DCC: variants seen among roughly 807,000 people sequenced by gnomAD.
DCC encodes DCC netrin 1 receptor.
DCC carries 58 observed loss-of-function variants against 172.5 expected under a neutral mutation model. That is an observed-to-expected ratio of 0.34 (90% CI 0.27 to 0.42). The LOEUF (loss-of-function observed/expected upper bound fraction) is 0.42, where lower values mean the gene tolerates loss of function less well. Ranked by LOEUF, DCC falls within the 10% of genes least tolerant of loss-of-function variation. The pLI, the probability that DCC is intolerant of heterozygous loss-of-function variation, is 1.00. For missense variants in DCC, 1,740 were observed against 1,791.0 expected, an observed-to-expected ratio of 0.97 and a Z score of 0.51; for synonymous variants, 709 against 644.5, an observed-to-expected ratio of 1.10 and a Z score of -1.52.
intron 7 of DCC, among the ~76,000 whole-genome samples, chr18:53,135,625 T>A (rs891441634): frequency 6.6e-6 from 1 of 152,184 alleles, no homozygotes; most frequent in Non-Finnish European, 1.5e-5. Context: ...CAAGGTTTTA[T>A]GGTTTCTTTG....
At chr18:52,857,223 G>A (rs1385542504) in intron 2 of DCC, among the ~76,000 whole-genome samples, 2 of 152,214 alleles carry the variant, frequency 1.3e-5, no homozygotes, top group African/African-American at 4.8e-5. Context: ...TGAGAGGAGA[G>A]TGCTTTTAGT....
At chr18:52,925,083 C>A in intron 4 of DCC, 151 bp from the exon 5 acceptor site, 1 of 741,274 alleles carries the variant, frequency 1.3e-6, no homozygotes, top group Non-Finnish European at 2.3e-6. Context: ...ATTTTTGGAT[C>A]AATAAGTGAG....
At chr18:53,519,212 A>C (rs2046372508) in intron 27 of DCC, among the ~76,000 whole-genome samples, 2 of 152,124 alleles carry the variant, frequency 1.3e-5, no homozygotes, top group Non-Finnish European at 2.9e-5. Context: ...TACAGACCCC[A>C]AAATCCAAAG....
At chr18:53,314,618 A>C (rs2144808962) in intron 13 of DCC, among the ~76,000 whole-genome samples, 1 of 152,312 alleles carries the variant, frequency 6.6e-6, no homozygotes, top group African/African-American at 2.4e-5. Flanking sequence ...ATATTACTGA[A>C]GATTTTCTTT....
intron 12 of DCC, among the ~76,000 whole-genome samples, chr18:53,215,970 A>C (rs1405934126): frequency 1.3e-5 from 2 of 152,200 alleles, no homozygotes; most frequent in African/African-American, 4.8e-5. Flanking sequence ...AATTAGGAGA[A>C]AGAAAGACTG....
intron 2 of DCC, among the ~76,000 whole-genome samples, chr18:52,847,214 A>G (rs2038908748): frequency 6.6e-6 from 1 of 152,172 alleles, no homozygotes; most frequent in South Asian, 2.1e-4. Context: ...TTCTTGTATT[A>G]ATCTCTGTGT....
chr18:53,146,418 A>G (rs1049825447), intron 7 of DCC, among the ~76,000 whole-genome samples: 3 of 152,326 alleles, frequency 2.0e-5, no homozygotes, highest in African/African-American at 7.2e-5. Context: ...TGGTGTCCTC[A>G]CATGGTAGAA....
chr18:53,307,557 G>C (rs1415358942), intron 13 of DCC, among the ~76,000 whole-genome samples: 1 of 151,792 alleles, frequency 6.6e-6, no homozygotes, highest in African/African-American at 2.4e-5. Flanking sequence ...CATTGCTTTT[G>C]CTTCTCAAAT....
At chr18:53,212,161 G>T (rs1308104069) in intron 11 of DCC, among the ~76,000 whole-genome samples, 1 of 152,074 alleles carries the variant, frequency 6.6e-6, no homozygotes, top group African/African-American at 2.4e-5. Context: ...CAATTATGGG[G>T]ACTTGATCTG....
At chr18:52,367,934 T>C (rs1252212365) in intron 1 of DCC, among the ~76,000 whole-genome samples, 1 of 152,228 alleles carries the variant, frequency 6.6e-6, no homozygotes, top group Non-Finnish European at 1.5e-5. Flanking sequence ...GCTTTGTACC[T>C]GCTTCCTTTT....
chr18:52,963,832 T>TTG (rs2040885349), intron 5 of DCC, among the ~76,000 whole-genome samples: 1 of 151,920 alleles, frequency 6.6e-6, no homozygotes, highest in Non-Finnish European at 1.5e-5. Context: ...TCTCTAGTTT[T>TTG]TTTTTTTTTT....
At chr18:52,933,428 G>A (rs1249026709) in intron 5 of DCC, among the ~76,000 whole-genome samples, 3 of 150,892 alleles carry the variant, frequency 2.0e-5, no homozygotes, top group Non-Finnish European at 4.4e-5. Flanking sequence ...TGAGGGGAGA[G>A]TATGAGAATG....
chr18:52,541,891 A>ATATATATATATATG (rs1449522752), intron 1 of DCC, among the ~76,000 whole-genome samples: 1 of 115,800 alleles, frequency 8.6e-6, no homozygotes, highest in East Asian at 2.6e-4. Flanking sequence ...ATATATATAT[A>ATATATATATATATG]TATATGTGTA....
intron 12 of DCC, among the ~76,000 whole-genome samples, chr18:53,239,064 G>A (rs1262712577): frequency 7.7e-6 from 1 of 129,544 alleles, no homozygotes; most frequent in Non-Finnish European, 1.6e-5. Flanking sequence ...GGAGGGGGGA[G>A]GGATAGCATT....
At chr18:52,869,964 C>T (rs1436170568) in intron 2 of DCC, among the ~76,000 whole-genome samples, 1 of 152,202 alleles carries the variant, frequency 6.6e-6, no homozygotes, top group Non-Finnish European at 1.5e-5. Flanking sequence ...ACAGCCCCAG[C>T]CATGACTCCT....
chr18:52,663,248 C>T (rs1353216005), intron 1 of DCC, among the ~76,000 whole-genome samples: 1 of 152,090 alleles, frequency 6.6e-6, no homozygotes, highest in African/African-American at 2.4e-5. Flanking sequence ...CTCAGGAAGC[C>T]ACTTAAGAAT....
At chr18:52,547,166 T>A (rs2032639689) in intron 1 of DCC, among the ~76,000 whole-genome samples, 1 of 152,182 alleles carries the variant, frequency 6.6e-6, no homozygotes, top group South Asian at 2.1e-4. Context: ...AATCTTCAAG[T>A]CTTATCCAAG....
intron 5 of DCC, among the ~76,000 whole-genome samples, chr18:53,056,456 G>A (rs912173908): frequency 2.6e-5 from 4 of 152,182 alleles, no homozygotes; most frequent in South Asian, 2.1e-4. Flanking sequence ...GGCTTCCTTC[G>A]TAGTAATCTG....
At chr18:53,048,577 G>GTA (rs59768062) in intron 5 of DCC, among the ~76,000 whole-genome samples, 21 of 148,864 alleles carry the variant, frequency 1.4e-4, no homozygotes, top group South Asian at 1.3e-3. Flanking sequence ...GTATGTGTGT[G>GTA]TATATATATA....
Sources: gnomAD v4.1 joint callset for allele counts (sites outside exome capture counted in the v4.1 genomes callset) on GRCh38, gnomAD v4.1.1 for gene constraint, MANE v1.5 for transcripts, NCBI Gene and HGNC (gene_info 2026-07-23, HGNC 2026-07-21) for gene names.